The following YAF2 variants were observed in gnomAD, a reference collection of about 807,000 sequenced individuals.
YAF2 encodes the protein YY1-associated factor 2.
A neutral mutation model predicts 20.1 loss-of-function variants in YAF2; 7 were observed. The observed-to-expected ratio is 0.35, with a 90% confidence interval of 0.20 to 0.65. The LOEUF (loss-of-function observed/expected upper bound fraction) is 0.65, where lower values mean the gene tolerates loss of function less well. Among genes scored for constraint, YAF2 ranks in the 30% least tolerant of loss-of-function variants. The probability of loss-of-function intolerance (pLI) is 0.69; values close to 1 mark genes in which losing one functional copy is unlikely to be tolerated. For missense variants in YAF2, 151 were observed against 219.2 expected (o/e 0.69, Z 1.96); for synonymous variants, 74 against 76.0 (o/e 0.97, Z 0.14).
intron 2 of YAF2, among the ~76,000 whole-genome samples, chr12:42,198,875 G>C (rs1419078359): frequency 2.0e-5 from 3 of 152,142 alleles, no homozygotes; most frequent in African/African-American, 7.2e-5. Context: ...GTTCAATACA[G>C]CAACTACATG....
intron 2 of YAF2, among the ~76,000 whole-genome samples, chr12:42,175,740 CAAAAAAAAAAAAA>C (rs59476115): frequency 1.3e-4 from 6 of 45,008 alleles, no homozygotes; most frequent in Admixed American, 3.3e-4. Context: ...GACTCTGTCT[CAAAAAAAAAAAAA>C]AAAAAAAAAA....
intron 2 of YAF2, among the ~76,000 whole-genome samples, chr12:42,177,142 T>C (rs768089164): frequency 6.6e-5 from 10 of 152,192 alleles, no homozygotes; most frequent in Non-Finnish European, 1.2e-4. Flanking sequence ...CCAGAGTATA[T>C]GGCAATCAAC....
chr12:42,186,229 C>G (rs1251146422), intron 2 of YAF2, among the ~76,000 whole-genome samples: 2 of 148,200 alleles, frequency 1.3e-5, no homozygotes, highest in African/African-American at 5.0e-5. Context: ...CTTGGTGGCT[C>G]AGGCCTGTAA....
intron 2 of YAF2, among the ~76,000 whole-genome samples, chr12:42,209,830 C>T (rs992812248): frequency 6.6e-6 from 1 of 152,196 alleles, no homozygotes; most frequent in Non-Finnish European, 1.5e-5. Flanking sequence ...CAGAGTTTCG[C>T]TCTTGTTGCC....
At chr12:42,210,026 G>A (rs541258636) in intron 2 of YAF2, among the ~76,000 whole-genome samples, 14 of 152,252 alleles carry the variant, frequency 9.2e-5, no homozygotes, top group South Asian at 4.1e-4. Context: ...TCGAACTCCC[G>A]ACCTCAGGTG....
intron 2 of YAF2, among the ~76,000 whole-genome samples, chr12:42,209,319 T>C (rs1280849550): frequency 6.6e-6 from 1 of 150,534 alleles, no homozygotes; most frequent in East Asian, 1.9e-4. Context: ...ATCCCAACAC[T>C]TAGGGAGGCC....
At chr12:42,194,653 T>C (rs1185534604) in intron 2 of YAF2, among the ~76,000 whole-genome samples, 3 of 151,556 alleles carry the variant, frequency 2.0e-5, no homozygotes, top group Non-Finnish European at 4.4e-5. Context: ...ATATATCTAA[T>C]TATGTCCTAT....
Position 42,236,126 on chromosome 12 carries a change from A to C in YAF2, c.152+1473T>G, listed in dbSNP as rs117512620. 6.9e-3 allele frequency: 9,326 copies of C among 1,360,436 alleles called. 65 individuals carry two copies. Among genetic ancestry groups the C allele is most frequent in the South Asian group, 0.028 (1,867 of 66,214 alleles). The allele number at this position is 1,360,436 out of a possible 1,614,324, so 84.3% of individuals were successfully genotyped here. The stretch of plus-strand genomic sequence containing the variant: ...CAAGATTATAATTGTTTCCACTTTA[A>C]TGTTCCTGCCTCCAAAAAACGAATT... On this transcript the variant is annotated intron_variant, in intron 2 of 3. Transcript: ENST00000534854.
intron 2 of YAF2, among the ~76,000 whole-genome samples, chr12:42,183,917 T>A (rs1016344333): frequency 6.6e-6 from 1 of 152,186 alleles, no homozygotes; most frequent in Non-Finnish European, 1.5e-5. Flanking sequence ...GTTGGTAACT[T>A]TTAAGGTGAA....
Position 42,238,230 on chromosome 12 carries a change from T to C in YAF2, c.-50A>G. The C allele has an allele frequency of 7.1e-7, 1 of 1,401,662 alleles. No individual in the cohort carries two copies. The highest frequency in any genetic ancestry group is 3.7e-5 in the East Asian group (1 of 27,200). 86.8% of individuals were successfully genotyped at this position (1,401,662 alleles called of 1,614,324 possible). Reference sequence around the variant, plus strand: ...GAGTCGCCGCCGCGACCGCTCTGTTTGTCAATAAGGAGGATAATAAGCCGG... The same window carrying C: ...GAGTCGCCGCCGCGACCGCTCTGTTCGTCAATAAGGAGGATAATAAGCCGG... On this transcript the variant is annotated 5_prime_UTR_variant, in exon 1 of 4. Transcript: ENST00000534854.
chr12:42,198,643 T>C (rs536164545), intron 2 of YAF2, among the ~76,000 whole-genome samples: 2 of 152,300 alleles, frequency 1.3e-5, no homozygotes, highest in Non-Finnish European at 1.5e-5. Flanking sequence ...AGAAATTAAG[T>C]AGATCTAGGT....
chr12:42,221,852 C>T (rs1404972512), intron 2 of YAF2, among the ~76,000 whole-genome samples: 1 of 152,292 alleles, frequency 6.6e-6, no homozygotes, highest in South Asian at 2.1e-4. Flanking sequence ...TTAATACAAG[C>T]CTCTCTACTT....
At chr12:42,235,631 C>T in intron 2 of YAF2, 1 of 1,505,808 alleles carries the variant, frequency 6.6e-7, no homozygotes, top group Non-Finnish European at 8.8e-7. Flanking sequence ...AACACAGTGT[C>T]CCTTAGATTT....
intron 2 of YAF2, among the ~76,000 whole-genome samples, chr12:42,204,983 T>C (rs1300758344): frequency 6.6e-6 from 1 of 151,854 alleles, no homozygotes; most frequent in Non-Finnish European, 1.5e-5. Flanking sequence ...GTAAAAATAC[T>C]AAAACCTACT....
chr12:42,237,601 G>C lies in YAF2; in HGVS notation c.150C>G (p.Thr50=), dbSNP rs777262139. Residue 50 remains threonine, a splice_region_variant and synonymous_variant, in exon 2 of 4, where the codon ACC becomes ACG. Coordinates refer to ENST00000534854, the MANE Select transcript of YAF2 (RefSeq NM_005748.6). ...MMCDVRKGTS[T]RKPRPVSQLV... ...CGAGGGGCAGGCCCGGGACTCACCG[G>C]GTGGAGGTGCCCTTCCGCACATCGC... is the stretch of plus-strand genomic sequence containing the variant. The C allele has an allele frequency of 6.5e-7, 1 of 1,535,984 alleles. No homozygotes were observed. Among genetic ancestry groups the C allele is most frequent in the African/African-American group, 1.4e-5 (1 of 71,510 alleles).
intron 2 of YAF2, among the ~76,000 whole-genome samples, chr12:42,188,549 T>A (rs2137085904): frequency 6.6e-6 from 1 of 151,960 alleles, no homozygotes; most frequent in Admixed American, 6.6e-5. Context: ...CCATGCCCAC[T>A]AATTTTTATA....
At position 42,159,595 on chromosome 12, in the gene YAF2, G is replaced by A. The variant is rs563198855; in HGVS notation, c.*994C>T. 6.6e-6 allele frequency: 1 copy of A among 152,156 alleles called. No homozygotes were observed. Among genetic ancestry groups the A allele is most frequent in the South Asian group, 2.1e-4 (1 of 4,828 alleles). The allele number at this position is 152,156 out of a possible 1,614,324, so 9.4% of individuals were successfully genotyped here. A position where few individuals can be genotyped will look rare whatever the true frequency, so the allele number is the denominator to read the frequency against. On this transcript the variant is annotated 3_prime_UTR_variant, in exon 4 of 4. Coordinates refer to ENST00000534854, the MANE Select transcript of YAF2 (RefSeq NM_005748.6). The stretch of plus-strand genomic sequence containing the variant: ...TAAGAATTATTGTATTTAATAAGAA[G>A]CCAATTTGACTGATTTAAAATTAGT...
chr12:42,201,853 A>G (rs1241662312), intron 2 of YAF2, among the ~76,000 whole-genome samples: 1 of 152,152 alleles, frequency 6.6e-6, no homozygotes, highest in Non-Finnish European at 1.5e-5. Flanking sequence ...CATTACAGGT[A>G]TGAGTTACCA....
intron 2 of YAF2, among the ~76,000 whole-genome samples, chr12:42,208,982 G>A (rs2067129391): frequency 6.6e-6 from 1 of 152,108 alleles, no homozygotes; most frequent in Non-Finnish European, 1.5e-5. Context: ...TGCCTTTTTA[G>A]AAATAGAACC....
Sources: gnomAD v4.1 joint callset for allele counts (sites outside exome capture counted in the v4.1 genomes callset) on GRCh38, gnomAD v4.1.1 for gene constraint, MANE v1.5 for transcripts, NCBI Gene and HGNC (gene_info 2026-07-23, HGNC 2026-07-21) for gene names.